The following POFUT3 variants were observed in gnomAD, a reference collection of about 807,000 sequenced individuals.
The protein encoded by POFUT3 is GDP-fucose protein O-fucosyltransferase 3.
the POFUT3 span, chr8:33,372,399 C>T: frequency 9.5e-6 from 13 of 1,375,384 alleles, no homozygotes; most frequent in Admixed American, 4.0e-4. Context: ...AATATAGTGG[C>T]TACCCCTAAG....
the POFUT3 span, among the ~76,000 whole-genome samples, chr8:33,355,909 A>T: frequency 6.6e-6 from 1 of 152,028 alleles, no homozygotes; most frequent in Admixed American, 6.6e-5. Flanking sequence ...CCTATGAGTA[A>T]GAATATGTGG....
At chr8:33,309,868 G>A in the POFUT3 span, among the ~76,000 whole-genome samples, 1 of 152,148 alleles carries the variant, frequency 6.6e-6, no homozygotes, top group Non-Finnish European at 1.5e-5. Context: ...CCAAGGCAAT[G>A]CTTTCTTCTT....
chr8:33,412,304 A>C, the POFUT3 span, among the ~76,000 whole-genome samples: 5 of 152,192 alleles, frequency 3.3e-5, no homozygotes, highest in African/African-American at 1.2e-4. Flanking sequence ...TAGTAAGTCA[A>C]AGCAAAAGCA....
At chr8:33,400,494 T>TG in the POFUT3 span, among the ~76,000 whole-genome samples, 3 of 151,020 alleles carry the variant, frequency 2.0e-5, no homozygotes, top group African/African-American at 7.3e-5. Flanking sequence ...ATAAAATAAA[T>TG]GGAGGGGTGG....
At chr8:33,319,360 TTA>T in the POFUT3 span, among the ~76,000 whole-genome samples, 8 of 26,434 alleles carry the variant, frequency 3.0e-4, 2 homozygotes, top group African/African-American at 1.6e-3. Flanking sequence ...TATATATATT[TTA>T]TATATATGTA....
chr8:33,321,384 A>C, the POFUT3 span, among the ~76,000 whole-genome samples: 4 of 151,940 alleles, frequency 2.6e-5, no homozygotes, highest in African/African-American at 7.3e-5. Flanking sequence ...TTTTTCACTC[A>C]CACATCTGAT....
chr8:33,345,905 G>A, the POFUT3 span, among the ~76,000 whole-genome samples: 4 of 146,388 alleles, frequency 2.7e-5, no homozygotes, highest in East Asian at 2.1e-4. Context: ...GGCTCACCAC[G>A]ACCTCTGCCT....
the POFUT3 span, among the ~76,000 whole-genome samples, chr8:33,342,697 TCAAA>T: frequency 6.6e-6 from 1 of 152,172 alleles, no homozygotes; most frequent in Non-Finnish European, 1.5e-5. Flanking sequence ...ACTGGATCAC[TCAAA>T]CATTGTTAGT....
At chr8:33,423,273 A>AT in the POFUT3 span, among the ~76,000 whole-genome samples, 29 of 148,660 alleles carry the variant, frequency 2.0e-4, no homozygotes, top group South Asian at 6.4e-4. Context: ...AATTCTTACA[A>AT]TTTTTTTTTT....
the POFUT3 span, among the ~76,000 whole-genome samples, chr8:33,460,039 T>C: frequency 6.6e-6 from 1 of 151,988 alleles, no homozygotes; most frequent in Non-Finnish European, 1.5e-5. Context: ...CTACTAAAAA[T>C]GAAAAATTAG....
chr8:33,462,797 G>A, the POFUT3 span, among the ~76,000 whole-genome samples: 3 of 152,008 alleles, frequency 2.0e-5, no homozygotes, highest in Non-Finnish European at 4.4e-5. Context: ...TGGGCATGGG[G>A]GTGTGCACCT....
At chr8:33,320,440 G>A in the POFUT3 span, among the ~76,000 whole-genome samples, 5 of 152,022 alleles carry the variant, frequency 3.3e-5, no homozygotes, top group Admixed American at 2.0e-4. Flanking sequence ...GGCATGTTAG[G>A]ATTTATAATG....
chr8:33,435,485 A>C, the POFUT3 span, among the ~76,000 whole-genome samples: 43 of 140,968 alleles, frequency 3.1e-4, no homozygotes, highest in African/African-American at 1.1e-3. Flanking sequence ...CAAAGGGCTG[A>C]GATTACAGGC....
At chr8:33,455,765 G>C in the POFUT3 span, 1 of 455,134 alleles carries the variant, frequency 2.2e-6, no homozygotes, top group East Asian at 7.0e-5. Flanking sequence ...AGCCAAGAGT[G>C]TTACCTCTTT....
the POFUT3 span, among the ~76,000 whole-genome samples, chr8:33,471,142 T>C: frequency 3.9e-5 from 6 of 152,222 alleles, no homozygotes; most frequent in Admixed American, 3.3e-4. Flanking sequence ...TTGTAACAAA[T>C]GTTCACTGTA....
At chr8:33,407,494 T>C in the POFUT3 span, among the ~76,000 whole-genome samples, 3 of 152,112 alleles carry the variant, frequency 2.0e-5, no homozygotes, top group African/African-American at 7.2e-5. Flanking sequence ...TGATGTTAAA[T>C]CTCTTAAAGT....
the POFUT3 span, among the ~76,000 whole-genome samples, chr8:33,405,292 C>CA: frequency 1.3e-3 from 188 of 145,278 alleles, 2 homozygotes; most frequent in African/African-American, 3.6e-3. Flanking sequence ...GACTCCGTCT[C>CA]AAAAAAAAAA....
the POFUT3 span, among the ~76,000 whole-genome samples, chr8:33,404,395 T>C: frequency 6.6e-6 from 1 of 151,188 alleles, no homozygotes; most frequent in Non-Finnish European, 1.5e-5. Context: ...AGGAGTCTCA[T>C]TATACAAAGT....
the POFUT3 span, among the ~76,000 whole-genome samples, chr8:33,453,697 C>T: frequency 7.2e-4 from 110 of 152,074 alleles, 2 homozygotes; most frequent in Non-Finnish European, 4.4e-5. Flanking sequence ...AATCTCAGTG[C>T]GTCGTCAGGG....
Sources: gnomAD v4.1 joint callset for allele counts (sites outside exome capture counted in the v4.1 genomes callset) on GRCh38, gnomAD v4.1.1 for gene constraint, MANE v1.5 for transcripts, NCBI Gene and HGNC (gene_info 2026-07-23, HGNC 2026-07-21) for gene names.